Variants in HOXA3 observed in about 807,000 individuals in gnomAD.
The protein encoded by HOXA3 is homeobox A3.
A neutral mutation model predicts 30.3 loss-of-function variants in HOXA3; 8 were observed. The ratio of observed to expected loss-of-function variants is 0.26; its 90% CI spans 0.15 to 0.48. The LOEUF (loss-of-function observed/expected upper bound fraction) is 0.48, where lower values mean the gene tolerates loss of function less well. Ranked by LOEUF, HOXA3 falls within the 20% of genes least tolerant of loss-of-function variation. The pLI, the probability that HOXA3 is intolerant of heterozygous loss-of-function variation, is 0.99. For synonymous variants in HOXA3, 323 were observed against 273.1 expected (o/e 1.18, Z -1.80); for missense variants, 653 against 614.4 (o/e 1.06, Z -0.66).
intron 2 of HOXA3, chr7:27,130,198 A>T (rs1431327286): frequency 5.1e-6 from 8 of 1,572,100 alleles, no homozygotes; most frequent in Non-Finnish European, 6.9e-6. Flanking sequence ...CTTGTCGGCC[A>T]AGAGCAGCGG....
intron 3 of HOXA3, chr7:27,123,328 TG>T (rs963659955): frequency 6.6e-6 from 1 of 152,288 alleles, no homozygotes; most frequent in African/African-American, 2.4e-5. Context: ...GGACGCCGGC[TG>T]GTACAATACC....
At position 27,108,169 on chromosome 7, in the gene HOXA3, T is replaced by C. The variant is rs1254158602; in HGVS notation, c.1078A>G (p.Ile360Val). ...QGNGSYGTPH[I>V]QGSPVFVGGS... is the part of the protein sequence containing the mutation. ...CCCACGAAGACGGGGCTTCCCTGTA[T>C]GTGTGGGGTCCCATAGCTGCCGTTG... Residue 360 changes from isoleucine (I) to valine (V), a missense_variant, in exon 6 of 6, where the codon ATA (isoleucine) becomes GTA (valine). Physicochemically the swap from Ile to Val is conservative, Grantham distance 29. Coordinates refer to ENST00000612286, the MANE Select transcript of HOXA3 (RefSeq NM_153631.3). This position sits in a 1 kb window ranked among gnomAD's most constrained non-coding sequence, Gnocchi z 5.0. 2.5e-6 allele frequency: 4 copies of C among 1,569,154 alleles called. No homozygotes were observed. Among genetic ancestry groups the C allele is most frequent in the Non-Finnish European group, 3.5e-6 (4 of 1,154,632 alleles).
At chr7:27,144,499 T>A (rs1782684912) in intron 1 of HOXA3, among the ~76,000 whole-genome samples, 2 of 152,244 alleles carry the variant, frequency 1.3e-5, no homozygotes, top group African/African-American at 4.8e-5. Context: ...GCGATTTGAT[T>A]TGCTTACGTA....
At chr7:27,152,171 T>C in intron 1 of HOXA3, 117 bp downstream of exon 1, 1 of 415,896 alleles carries the variant, frequency 2.4e-6, no homozygotes, top group East Asian at 8.7e-5. Context: ...AATGGGTGAG[T>C]ATGGGTAAGG....
At chr7:27,124,451 G>A (rs538890960) in intron 3 of HOXA3, 1 of 152,358 alleles carries the variant, frequency 6.6e-6, no homozygotes, top group South Asian at 2.1e-4. Context: ...CGGACGCGGC[G>A]CGCTCCCTGG....
chr7:27,151,591 C>T (rs1040368874), intron 1 of HOXA3: 3 of 456,784 alleles, frequency 6.6e-6, no homozygotes, highest in Middle Eastern at 6.5e-4. Flanking sequence ...ACCCACGCAC[C>T]TATTCCCCCT....
chr7:27,110,385 C>T lies in HOXA3; in HGVS notation c.256G>A (p.Gly86Arg). ...GGCGGCGGGTGCAGGGGCGGCTCTC[C>T]CAGGCTTGGAGGCTGGCTAGGTGGG... ...SAPPSQPPSL[G>R]EPPLHPPPPQ... is the part of the protein sequence containing the mutation. Residue 86 changes from glycine (G) to arginine (R), a missense_variant, in exon 5 of 6, where the codon GGA becomes AGA. Around this residue, in one of 3 missense-constraint regions of HOXA3, gnomAD observed 320 missense variants for 321.9 expected, o/e 0.99. Coordinates refer to ENST00000612286, the MANE Select transcript of HOXA3 (RefSeq NM_153631.3). 12 of 1,523,184 alleles carry T rather than the reference C, an allele frequency of 7.9e-6. No homozygotes were observed. Among genetic ancestry groups the T allele is most frequent in the Non-Finnish European group, 9.7e-6 (11 of 1,139,176 alleles). The allele number at this position is 1,523,184 out of a possible 1,614,324, so 94.4% of individuals were successfully genotyped here. A position where few individuals can be genotyped will look rare whatever the true frequency, so the allele number is the denominator to read the frequency against.
At chr7:27,115,749 G>C (rs1268889822) in intron 4 of HOXA3, 3 of 152,280 alleles carry the variant, frequency 2.0e-5, no homozygotes, top group Non-Finnish European at 4.4e-5. Context: ...CGGGAGCTTC[G>C]TTCCGGCCAG....
At chr7:27,152,241 C>T in intron 1 of HOXA3, 47 bp downstream of exon 1, 1 of 1,214,002 alleles carries the variant, frequency 8.2e-7, no homozygotes, top group Non-Finnish European at 1.1e-6. Context: ...CCGCCGCCGG[C>T]TGTCGCCTCA....
In HOXA3 at chr7:27,142,974, G is replaced by A. The variant is rs906619881; in HGVS notation, c.-493-2788C>T. 10 of 1,339,144 alleles carry A rather than the reference G, an allele frequency of 7.5e-6. No homozygotes were observed. In the African/African-American group the frequency reaches 1.5e-4, roughly 20 times the overall value. 83.0% of individuals were successfully genotyped at this position (1,339,144 alleles called of 1,614,324 possible). ...AGACCAAGAGAGACTGGGAGAGGGC[G>A]GCAGAGAAGAGAGGGGGGACCGAGA... On this transcript the variant is annotated intron_variant, in intron 1 of 5. Transcript: ENST00000612286.
intron 2 of HOXA3, among the ~76,000 whole-genome samples, chr7:27,133,722 T>G (rs1265160967): frequency 6.6e-6 from 1 of 152,222 alleles, no homozygotes; most frequent in Non-Finnish European, 1.5e-5. Context: ...CTGATTTGAA[T>G]CATTTTGAAT....
At chr7:27,143,300 C>T in intron 1 of HOXA3, 3 of 1,601,958 alleles carry the variant, frequency 1.9e-6, no homozygotes, top group Non-Finnish European at 2.5e-6. Context: ...CACGGCGGAG[C>T]AGGGCAGCGG....
intron 1 of HOXA3, among the ~76,000 whole-genome samples, chr7:27,147,004 T>A (rs1344175260): frequency 1.3e-5 from 2 of 152,034 alleles, no homozygotes; most frequent in Non-Finnish European, 2.9e-5. Flanking sequence ...AGGCTGTCCC[T>A]CCCCACCAGC....
At chr7:27,141,671 G>A in intron 1 of HOXA3, 1 of 775,724 alleles carries the variant, frequency 1.3e-6, no homozygotes, top group Non-Finnish European at 2.0e-6. Context: ...ACTTATACAG[G>A]CGCTATAATG....
intron 1 of HOXA3, chr7:27,145,517 C>G (rs991971374): frequency 3.5e-5 from 34 of 960,248 alleles, no homozygotes; most frequent in Non-Finnish European, 5.3e-5. Context: ...AATGCACAGA[C>G]GCTTGCAAAG....
chr7:27,145,938 G>T, intron 1 of HOXA3: 1 of 1,604,648 alleles, frequency 6.2e-7, no homozygotes, highest in Non-Finnish European at 8.5e-7. Context: ...AAACGGCCGG[G>T]CGCCGGTAAG....
At chr7:27,119,883 G>A (rs1186491287) in intron 4 of HOXA3, among the ~76,000 whole-genome samples, 1 of 152,182 alleles carries the variant, frequency 6.6e-6, no homozygotes, top group Non-Finnish European at 1.5e-5. Flanking sequence ...AATCTGTGGT[G>A]TAGCTGGAAG....
At chr7:27,129,328 G>A in intron 2 of HOXA3, 1 of 1,614,194 alleles carries the variant, frequency 6.2e-7, no homozygotes, top group East Asian at 2.2e-5. Flanking sequence ...AGAGGCCGAG[G>A]CCGAATTGGA....
At chr7:27,122,131 G>A (rs1039862978) in intron 4 of HOXA3, 5 of 152,254 alleles carry the variant, frequency 3.3e-5, no homozygotes, top group African/African-American at 1.2e-4. Context: ...TGGGACTGGC[G>A]ACAATTTCTT....
Sources: allele counts gnomAD v4.1 joint callset (sites outside exome capture counted in the v4.1 genomes callset), GRCh38; gene constraint gnomAD v4.1.1; regional missense constraint gnomAD v4.1.1; non-coding constraint Gnocchi (gnomAD v3.1); transcripts MANE v1.5; gene names NCBI Gene and HGNC (gene_info 2026-07-23, HGNC 2026-07-21).